The following PRKN variants were observed in gnomAD, a reference collection of about 807,000 sequenced individuals.
PRKN encodes E3 ubiquitin-protein ligase parkin.
PRKN carries 56 observed loss-of-function variants against 59.5 expected under a neutral mutation model. The observed-to-expected ratio is 0.94, with a 90% CI of 0.76 to 1.18. The LOEUF (loss-of-function observed/expected upper bound fraction) is 1.18. Among genes scored for constraint, PRKN ranks in the 50% most tolerant of loss-of-function variants. The pLI is 0.00. For synonymous variants in PRKN, 250 were observed against 222.1 expected (o/e 1.13, Z -1.12); for missense variants, 657 against 596.4 (o/e 1.10, Z -1.06).
intron 7 of PRKN, among the ~76,000 whole-genome samples, chr6:161,751,096 A>T (rs780102797): frequency 3.3e-5 from 5 of 152,236 alleles, no homozygotes; most frequent in African/African-American, 4.8e-5. Flanking sequence ...ACATACTGGT[A>T]GAATGAGTAA....
chr6:161,514,981 T>C (rs950348029), intron 9 of PRKN, among the ~76,000 whole-genome samples: 1 of 152,242 alleles, frequency 6.6e-6, no homozygotes, highest in Non-Finnish European at 1.5e-5. Context: ...GCCCAATTGT[T>C]AGTTAAAGAT....
chr6:161,967,456 A>AT (rs1441234306), intron 6 of PRKN, among the ~76,000 whole-genome samples: 5 of 152,190 alleles, frequency 3.3e-5, no homozygotes, highest in Non-Finnish European at 7.3e-5. Flanking sequence ...AAAATCCTGG[A>AT]TTTTACACGG....
intron 9 of PRKN, among the ~76,000 whole-genome samples, chr6:161,478,485 C>T (rs965878543): frequency 6.6e-6 from 1 of 152,052 alleles, no homozygotes; most frequent in African/African-American, 2.4e-5. Flanking sequence ...CTACAAAATA[C>T]TTTCCAAAGG....
chr6:161,995,131 A>G (rs1447506834), intron 5 of PRKN, among the ~76,000 whole-genome samples: 2 of 152,160 alleles, frequency 1.3e-5, no homozygotes, highest in Middle Eastern at 3.2e-3. Context: ...CCAGAAATCA[A>G]TTAGTGTATT....
chr6:162,068,506 T>C (rs1031868868), intron 4 of PRKN, among the ~76,000 whole-genome samples: 3 of 152,204 alleles, frequency 2.0e-5, no homozygotes, highest in Non-Finnish European at 4.4e-5. Context: ...ACAGCAAAAC[T>C]AGCTTCTAAG....
intron 2 of PRKN, among the ~76,000 whole-genome samples, chr6:162,434,063 A>G (rs545778420): frequency 6.6e-6 from 1 of 152,324 alleles, no homozygotes; most frequent in African/African-American, 2.4e-5. Flanking sequence ...ATTCCATGCA[A>G]AATAAAATTC....
chr6:162,582,277 T>C (rs1416639069), intron 1 of PRKN, among the ~76,000 whole-genome samples: 2 of 152,212 alleles, frequency 1.3e-5, no homozygotes, highest in Admixed American at 6.5e-5. Context: ...TCCTAAAATG[T>C]ATAAAAACAA....
rs1777891338 is a variant in PRKN, at chr6:161,499,817, G to A, written c.1083+49037C>T. 6.6e-6 allele frequency among the ~76,000 whole-genome samples: 1 copy of A among 152,134 alleles called. No individual in the cohort carries two copies. Among genetic ancestry groups the A allele is most frequent in the Admixed American group, 6.5e-5 (1 of 15,274 alleles). On this transcript the variant is annotated intron_variant, in intron 9 of 11. Transcript: ENST00000366898. This position sits in a 1 kb window ranked among gnomAD's most constrained non-coding sequence, Gnocchi z 4.2. ...AGAATTTTTATTCTCTTCTAGCTTT[G>A]AAAGACCCTTCAGAAGGTAGAATTT... is the stretch of plus-strand genomic sequence containing the variant.
intron 1 of PRKN, among the ~76,000 whole-genome samples, chr6:162,580,800 T>C (rs1240673271): frequency 6.6e-6 from 1 of 152,168 alleles, no homozygotes; most frequent in African/African-American, 2.4e-5. Context: ...GGCTGATCAA[T>C]CTGAGGCTCC....
chr6:161,830,932 C>T (rs754014787), intron 6 of PRKN, among the ~76,000 whole-genome samples: 2 of 152,162 alleles, frequency 1.3e-5, no homozygotes, highest in Non-Finnish European at 2.9e-5. Context: ...GTCTCCCTTT[C>T]CTATGACCCT....
intron 9 of PRKN, among the ~76,000 whole-genome samples, chr6:161,517,816 G>A (rs186339840): frequency 4.2e-5 from 6 of 142,740 alleles, no homozygotes; most frequent in South Asian, 2.4e-4. Context: ...AGAGCTATAC[G>A]CATACACTGT....
chr6:162,374,488 T>C (rs896477706), intron 2 of PRKN, among the ~76,000 whole-genome samples: 3 of 151,918 alleles, frequency 2.0e-5, no homozygotes, highest in Non-Finnish European at 4.4e-5. Context: ...AGTACATGAG[T>C]TTAGTCAAAA....
chr6:161,583,449 C>A (rs1781417584), intron 7 of PRKN, among the ~76,000 whole-genome samples: 1 of 151,898 alleles, frequency 6.6e-6, no homozygotes, highest in Non-Finnish European at 1.5e-5. Flanking sequence ...GTCAGATTAT[C>A]ATTTCCAGGT....
rs574726312 is a variant in PRKN at position 161,488,182 on chromosome 6, C to A, written c.1083+60672G>T. 2.9e-4 allele frequency among the ~76,000 whole-genome samples: 44 copies of A among 152,168 alleles called. No individual in the cohort carries two copies. The highest frequency in any genetic ancestry group is 2.1e-3 in the Admixed American group (32 of 15,292). ...GGCTAAATGAATGGAGGCAGCCATG[C>A]AAAAAGCTGAAGGAAGGTCCTCCAG... On this transcript the variant is annotated intron_variant, in intron 9 of 11. Coordinates refer to ENST00000366898, the MANE Select transcript of PRKN (RefSeq NM_004562.3). This position sits in a 1 kb window ranked among gnomAD's most constrained non-coding sequence, Gnocchi z 4.5.
intron 1 of PRKN, among the ~76,000 whole-genome samples, chr6:162,650,009 C>A (rs1189203420): frequency 2.6e-5 from 4 of 152,148 alleles, no homozygotes; most frequent in African/African-American, 9.7e-5. Flanking sequence ...GAAATGATGG[C>A]AAGGCTATAA....
intron 1 of PRKN, among the ~76,000 whole-genome samples, chr6:162,679,974 T>C (rs1035545529): frequency 1.3e-5 from 2 of 152,200 alleles, no homozygotes; most frequent in Non-Finnish European, 2.9e-5. Context: ...ATTGTTTGGG[T>C]ATATTTCCTA....
chr6:161,828,155 G>A (rs1348525133), intron 6 of PRKN, among the ~76,000 whole-genome samples: 1 of 152,164 alleles, frequency 6.6e-6, no homozygotes, highest in African/African-American at 2.4e-5. Flanking sequence ...CAACTTGTGA[G>A]TAACCTGCAA....
chr6:162,161,612 T>C (rs1456087216), intron 4 of PRKN, among the ~76,000 whole-genome samples: 1 of 152,160 alleles, frequency 6.6e-6, no homozygotes, highest in African/African-American at 2.4e-5. Context: ...AGCCTGCCAT[T>C]GTTCATTGAC....
In PRKN at chr6:161,359,532, C is replaced by A. The variant is rs149618829; in HGVS notation, c.1285+556G>T. ...GTGCATCACATTGAGAAAGGGCTCT[C>A]GGACCACTGGTTGTGATGGCTTTGC... On this transcript the variant is annotated intron_variant, in intron 11 of 11. Coordinates refer to ENST00000366898, the MANE Select transcript of PRKN (RefSeq NM_004562.3). The surrounding 1 kb of genome is among the most constrained non-coding windows in gnomAD (Gnocchi z 5.4). 3.7e-3 allele frequency among the ~76,000 whole-genome samples: 561 copies of A among 152,346 alleles called. 3 individuals carry two copies. Among genetic ancestry groups the A allele is most frequent in the Non-Finnish European group, 5.9e-3 (402 of 68,034 alleles).
Sources: gnomAD v4.1 joint callset for allele counts (sites outside exome capture counted in the v4.1 genomes callset) on GRCh38, gnomAD v4.1.1 for gene constraint, Gnocchi (gnomAD v3.1) non-coding constraint, MANE v1.5 for transcripts, NCBI Gene and HGNC (gene_info 2026-07-23, HGNC 2026-07-21) for gene names.